CRPPA: variants seen among roughly 807,000 people sequenced by gnomAD.
CRPPA encodes CDP-L-ribitol pyrophosphorylase A.
A neutral mutation model predicts 52.0 loss-of-function variants in CRPPA; 43 were observed. That is an observed-to-expected ratio of 0.83 (90% confidence interval 0.65 to 1.07). The LOEUF is 1.07. Ranked by LOEUF, CRPPA falls within the 50% of genes least tolerant of loss-of-function variation. CRPPA has a pLI of 0.00. For missense variants in CRPPA, 629 were observed against 551.7 expected, an observed-to-expected ratio of 1.14 and a Z score of -1.40; for synonymous variants, 250 against 203.5, an observed-to-expected ratio of 1.23 and a Z score of -1.94.
At chr7:16,408,705 T>C (rs779901159) in intron 1 of CRPPA, among the ~76,000 whole-genome samples, 4 of 152,198 alleles carry the variant, frequency 2.6e-5, no homozygotes, top group Non-Finnish European at 5.9e-5. Flanking sequence ...TTACCTTAAA[T>C]GGCAAACAGG....
At chr7:16,269,980 A>G (rs1303035421) in intron 6 of CRPPA, 2 of 152,230 alleles carry the variant, frequency 1.3e-5, no homozygotes, top group Non-Finnish European at 2.9e-5. Context: ...GCAATTTAGT[A>G]TACAACATTC....
chr7:16,369,263 G>C (rs1313253955), intron 3 of CRPPA, among the ~76,000 whole-genome samples: 1 of 152,218 alleles, frequency 6.6e-6, no homozygotes. Flanking sequence ...TGACTGATTT[G>C]AGCAAGCAGG....
intron 1 of CRPPA, among the ~76,000 whole-genome samples, chr7:16,407,053 G>A (rs1044160914): frequency 8.5e-5 from 13 of 152,140 alleles, no homozygotes; most frequent in African/African-American, 2.9e-4. Context: ...TCAGTTCACT[G>A]CAACCTCTGC....
intron 5 of CRPPA, among the ~76,000 whole-genome samples, chr7:16,289,705 A>C (rs571126151): frequency 3.3e-5 from 5 of 152,298 alleles, no homozygotes; most frequent in Admixed American, 6.5e-5. Context: ...TATATGTGAT[A>C]AACCCACAGC....
chr7:16,111,781 A>C (rs1195504548), intron 9 of CRPPA, among the ~76,000 whole-genome samples: 1 of 152,164 alleles, frequency 6.6e-6, no homozygotes, highest in Non-Finnish European at 1.5e-5. Flanking sequence ...GGAAATAACA[A>C]ACACAAGGTA....
intron 9 of CRPPA, among the ~76,000 whole-genome samples, chr7:16,206,567 C>CT (rs11380116): frequency 0.062 from 9,486 of 151,788 alleles, 778 homozygotes; most frequent in East Asian, 0.3. Context: ...AATTCTGAAC[C>CT]TTTTTTTAAA....
chr7:16,125,308 A>G (rs1782556560), intron 9 of CRPPA, among the ~76,000 whole-genome samples: 2 of 151,590 alleles, frequency 1.3e-5, no homozygotes, highest in Non-Finnish European at 2.9e-5. Context: ...ATAAACACAA[A>G]GCAGAATTTT....
At chr7:16,271,222 T>C (rs1784082706) in intron 6 of CRPPA, among the ~76,000 whole-genome samples, 1 of 151,976 alleles carries the variant, frequency 6.6e-6, no homozygotes, top group Non-Finnish European at 1.5e-5. Flanking sequence ...TCTTTAGGAG[T>C]TCCATTCTTT....
intron 9 of CRPPA, among the ~76,000 whole-genome samples, chr7:16,187,556 T>G (rs975100671): frequency 6.6e-6 from 1 of 152,188 alleles, no homozygotes; most frequent in Non-Finnish European, 1.5e-5. Context: ...CCTTAAGAGA[T>G]CCAAGGCAAC....
chr7:16,319,316 C>T (rs898997147), intron 3 of CRPPA, among the ~76,000 whole-genome samples: 1 of 152,092 alleles, frequency 6.6e-6, no homozygotes, highest in Non-Finnish European at 1.5e-5. Context: ...AAAAGGTCAC[C>T]CTTGAAGTCC....
intron 9 of CRPPA, among the ~76,000 whole-genome samples, chr7:16,178,179 C>A (rs1410881568): frequency 6.6e-6 from 1 of 151,914 alleles, no homozygotes; most frequent in Non-Finnish European, 1.5e-5. Context: ...GCTGAATTTA[C>A]AGGGGGAGTG....
At chr7:16,231,798 C>A (rs1782804478) in intron 8 of CRPPA, among the ~76,000 whole-genome samples, 1 of 152,094 alleles carries the variant, frequency 6.6e-6, no homozygotes. Flanking sequence ...TTTTAAAAAG[C>A]AAACTATATA....
chr7:16,197,066 G>C (rs529592952), intron 9 of CRPPA, among the ~76,000 whole-genome samples: 148 of 151,610 alleles, frequency 9.8e-4, no homozygotes, highest in African/African-American at 3.3e-3. Context: ...AACAGAATAG[G>C]GTAAACATGA....
chr7:16,154,757 A>C (rs1205142857), intron 9 of CRPPA, among the ~76,000 whole-genome samples: 1 of 151,510 alleles, frequency 6.6e-6, no homozygotes, highest in Admixed American at 6.6e-5. Context: ...TTTATTTTAC[A>C]GGTGATTCAA....
At chr7:16,386,007 C>G (rs2128313862) in intron 2 of CRPPA, among the ~76,000 whole-genome samples, 1 of 152,226 alleles carries the variant, frequency 6.6e-6, no homozygotes, top group East Asian at 1.9e-4. Flanking sequence ...CCACAGACAG[C>G]TTAAATGTTA....
intron 3 of CRPPA, among the ~76,000 whole-genome samples, chr7:16,318,531 T>C (rs1215732427): frequency 3.9e-5 from 6 of 152,166 alleles, no homozygotes; most frequent in Admixed American, 1.3e-4. Flanking sequence ...AAAACCTCAG[T>C]GGCATGTAGC....
chr7:16,392,702 C>T (rs1297345869), intron 2 of CRPPA, among the ~76,000 whole-genome samples: 3 of 152,070 alleles, frequency 2.0e-5, no homozygotes, highest in African/African-American at 7.2e-5. Flanking sequence ...AACCTCACTT[C>T]CTATTATGAA....
At chr7:16,198,669 T>G (rs935382081) in intron 9 of CRPPA, among the ~76,000 whole-genome samples, 2 of 149,036 alleles carry the variant, frequency 1.3e-5, no homozygotes, top group African/African-American at 5.0e-5. Context: ...CACAGGTGTG[T>G]AGGGGCAACC....
chr7:16,293,665 G>A (rs913280360), intron 5 of CRPPA, among the ~76,000 whole-genome samples: 3 of 151,870 alleles, frequency 2.0e-5, no homozygotes, highest in Non-Finnish European at 4.4e-5. Flanking sequence ...AACCATACAC[G>A]CCCACACTGA....
Sources: gnomAD v4.1 joint callset for allele counts (sites outside exome capture counted in the v4.1 genomes callset) on GRCh38, gnomAD v4.1.1 for gene constraint, MANE v1.5 for transcripts, NCBI Gene and HGNC (gene_info 2026-07-23, HGNC 2026-07-21) for gene names.